SPDYE21: variants seen among roughly 807,000 people sequenced by gnomAD.
SPDYE21 encodes the protein speedy/RINGO cell cycle regulator family member E21.
A neutral mutation model predicts 36.2 loss-of-function variants in SPDYE21; 14 were observed. The ratio of observed to expected loss-of-function variants is 0.39; its 90% CI spans 0.26 to 0.61. SPDYE21 has a LOEUF of 0.61. Among genes scored for constraint, SPDYE21 ranks in the 20% least tolerant of loss-of-function variants. The pLI is 0.55. For missense variants in SPDYE21, 233 were observed against 424.6 expected, an observed-to-expected ratio of 0.55 and a Z score of 3.97; for synonymous variants, 58 against 155.1, an observed-to-expected ratio of 0.37 and a Z score of 4.65.
At chr7:67,280,262 C>G (rs1340225522) in intron 3 of SPDYE21, among the ~76,000 whole-genome samples, 1 of 152,116 alleles carries the variant, frequency 6.6e-6, no homozygotes, top group African/African-American at 2.4e-5. Flanking sequence ...GGTTTCGCAC[C>G]AGGTGCAGTG....
intron 5 of SPDYE21, among the ~76,000 whole-genome samples, chr7:67,283,406 TCA>T (rs1802675413): frequency 6.6e-6 from 1 of 152,192 alleles, no homozygotes; most frequent in African/African-American, 2.4e-5. Flanking sequence ...AGTACTGGGA[TCA>T]CAGGCTTGAG....
chr7:67,280,509 C>G (rs929633707), intron 3 of SPDYE21, among the ~76,000 whole-genome samples: 1 of 151,244 alleles, frequency 6.6e-6, no homozygotes, highest in East Asian at 2.0e-4. Flanking sequence ...CGAGACCAAC[C>G]AGACCAATAT....
intron 6 of SPDYE21, among the ~76,000 whole-genome samples, chr7:67,284,825 C>T (rs1184351937): frequency 6.6e-6 from 1 of 152,042 alleles, no homozygotes; most frequent in Non-Finnish European, 1.5e-5. Context: ...ACCTGAACAA[C>T]TTCCTTAGCT....
In SPDYE21 at chr7:67,286,081, T is replaced by C. The variant is rs1326904528; in HGVS notation, c.793T>C (p.Ser265Pro). The C allele has an allele frequency of 2.5e-6, 4 of 1,613,578 alleles. No individual in the cohort carries two copies. The highest frequency in any genetic ancestry group is 4.5e-5 in the East Asian group (2 of 44,888). ...TGACATGGAGGAGGACGACGAGGAC[T>C]CCAAACAAAACATCTTCCACTTCCT... ...ANDMEEDDED[S>P]KQNIFHFLYG... The change falls in exon 7 of 9, where the codon TCC (serine) becomes CCC (proline). Residue 265 changes from serine (S) to proline (P), a missense_variant. Transcript: ENST00000424157.
intron 5 of SPDYE21, among the ~76,000 whole-genome samples, chr7:67,282,965 CT>C (rs1802667661): frequency 7.7e-6 from 1 of 129,324 alleles, no homozygotes; most frequent in Admixed American, 8.1e-5. Flanking sequence ...ACCACCACGC[CT>C]GGCTAATTTT....
chr7:67,279,196 A>C (rs1384719322), intron 2 of SPDYE21, among the ~76,000 whole-genome samples: 1 of 150,210 alleles, frequency 6.7e-6, no homozygotes, highest in Non-Finnish European at 1.5e-5. Flanking sequence ...AAAAAAAAAA[A>C]AGAAAAAAGA....
rs1168009368 is a variant in SPDYE21, at chr7:67,288,128, TAA to T, written c.*657_*658del. On this transcript the variant is annotated 3_prime_UTR_variant, in exon 9 of 9. Coordinates refer to ENST00000424157, the MANE Select transcript of SPDYE21 (RefSeq NM_001382715.2). The stretch of plus-strand genomic sequence containing the variant: ...ATAAAGATAATTTTCTTTTCATTTT[TAA>T]GAGACAATTCTTTTTATCCTAAATA... 3.3e-5 allele frequency among the ~76,000 whole-genome samples: 5 copies of T among 151,884 alleles called. No homozygotes were observed. Among genetic ancestry groups the T allele is most frequent in the African/African-American group, 4.8e-5 (2 of 41,452 alleles).
rs1802574751 is a variant in SPDYE21, at chr7:67,278,387, C to T, written c.-327C>T. Among the ~76,000 whole-genome samples, 7 of 132,488 alleles carry T rather than the reference C, an allele frequency of 5.3e-5. No homozygotes were observed. Among genetic ancestry groups the T allele is most frequent in the African/African-American group, 1.8e-4 (6 of 33,522 alleles). The allele number at this position is 132,488 out of a possible 152,430, so 86.9% of individuals were successfully genotyped here. ...ACACAGCCTCTGCTGGGACAGGGAACAGAGGGATGTGGAGTCCCTGAAGAT... is the reference window on the plus strand; with the variant it reads ...ACACAGCCTCTGCTGGGACAGGGAATAGAGGGATGTGGAGTCCCTGAAGAT... On this transcript the variant is annotated 5_prime_UTR_variant, in exon 2 of 9. It introduces an in-frame stop codon into an upstream open reading frame of the 5' UTR. Transcript: ENST00000424157.
intron 5 of SPDYE21, among the ~76,000 whole-genome samples, chr7:67,283,644 C>T (rs906187203): frequency 3.9e-5 from 6 of 152,148 alleles, no homozygotes; most frequent in Non-Finnish European, 8.8e-5. Flanking sequence ...CTCCTGACAC[C>T]AGCCGACCCA....
intron 6 of SPDYE21, among the ~76,000 whole-genome samples, chr7:67,284,934 T>C (rs1459374528): frequency 6.7e-6 from 1 of 150,148 alleles, no homozygotes; most frequent in Non-Finnish European, 1.5e-5. Flanking sequence ...ATTTCCTGGC[T>C]CGGCTTCACT....
rs4718509 is a variant in SPDYE21, at chr7:67,278,831, C to A, written c.118C>A (p.Pro40Thr). Among the ~76,000 whole-genome samples, 1 of 148,484 alleles carries A rather than the reference C, an allele frequency of 6.7e-6. No individual in the cohort carries two copies. The highest frequency in any genetic ancestry group is 2.6e-5 in the African/African-American group (1 of 38,446). Reference protein sequence around the residue: ...QSPQRSTSGYPLQEVVDDEVL... With the variant: ...QSPQRSTSGYTLQEVVDDEVL... ...TCCCCAGCGGAGCACCTCGGGGTAC[C>A]CCCTCCAGGAGGTGGTGGATGATGA... Residue 40 changes from proline to threonine, a missense_variant, in exon 2 of 9, where the codon CCC becomes ACC. Coordinates refer to ENST00000424157, the MANE Select transcript of SPDYE21 (RefSeq NM_001382715.2).
intron 6 of SPDYE21, among the ~76,000 whole-genome samples, chr7:67,285,056 C>T (rs893418679): frequency 3.9e-5 from 6 of 151,982 alleles, no homozygotes; most frequent in African/African-American, 1.5e-4. Flanking sequence ...AGTTCACCCA[C>T]AGCCTCTGTG....
rs1310636644 is a variant in SPDYE21 at position 67,278,888 on chromosome 7, G to T, written c.160+15G>T. ...GGGACCATCAGGTGAGGGGACTGGTGGAAGAAGAGGTGGGATAGGATTGAC... is the reference window on the plus strand; with the variant it reads ...GGGACCATCAGGTGAGGGGACTGGTTGAAGAAGAGGTGGGATAGGATTGAC... On this transcript the variant is annotated intron_variant, in intron 2 of 8. Transcript: ENST00000424157. Among the ~76,000 whole-genome samples, 5 of 150,918 alleles carry T rather than the reference G, an allele frequency of 3.3e-5. No homozygotes were observed. Among genetic ancestry groups the T allele is most frequent in the Non-Finnish European group, 5.9e-5 (4 of 67,376 alleles).
chr7:67,280,885 C>T (rs1440493197), intron 3 of SPDYE21, among the ~76,000 whole-genome samples: 2 of 141,764 alleles, frequency 1.4e-5, no homozygotes, highest in African/African-American at 5.0e-5. Flanking sequence ...AGTTGGAGAC[C>T]AGCCTGGCCA....
At position 67,278,829 on chromosome 7, in the gene SPDYE21, AC is replaced by A. The variant is rs1161624855; in HGVS notation, c.121del (p.Leu41SerfsTer17). Reference sequence around the variant, plus strand: ...AGTCCCCAGCGGAGCACCTCGGGGTACCCCCTCCAGGAGGTGGTGGATGATG... The same window carrying A: ...AGTCCCCAGCGGAGCACCTCGGGGTACCCCTCCAGGAGGTGGTGGATGATG... Reference protein sequence around the residue: ...EQSPQRSTSGYPLQEVVDDEV... With the variant: ...EQSPQRSTSGXPLQEVVDDEV... On this transcript the variant is annotated frameshift_variant, in exon 2 of 9. Transcript: ENST00000424157. LOFTEE classifies it high-confidence loss of function. Among the ~76,000 whole-genome samples, 2 of 151,718 alleles carry A rather than the reference AC, an allele frequency of 1.3e-5. No homozygotes were observed. The highest frequency in any genetic ancestry group is 2.9e-5 in the Non-Finnish European group (2 of 67,922).
chr7:67,282,058 G>A (rs1206592228), intron 4 of SPDYE21, among the ~76,000 whole-genome samples: 6 of 152,160 alleles, frequency 3.9e-5, no homozygotes, highest in African/African-American at 1.4e-4. Context: ...GCTTAAACCC[G>A]GGAGGCAGAG....
At chr7:67,283,255 C>T (rs3962092) in intron 5 of SPDYE21, among the ~76,000 whole-genome samples, 95,853 of 141,196 alleles carry the variant, frequency 0.68, 32,894 homozygotes, top group East Asian at 0.89. Context: ...TTCCTCAGCC[C>T]CCTGAGGAGC....
At position 67,286,276 on chromosome 7, in the gene SPDYE21, C is replaced by T. The variant is rs1362261518; in HGVS notation, c.988C>T (p.Arg330Cys). The T allele has an allele frequency of 2.5e-5, 40 of 1,593,126 alleles. No homozygotes were observed. Among genetic ancestry groups the T allele is most frequent in the Middle Eastern group, 1.7e-4 (1 of 5,866 alleles). ...MNPRARKYRS[R>C]IPLVRKRRFQ... ...CCCGAGGGCCAGGAAGTACCGCTCT[C>T]GCATACCCTTGGTCCGTAAGCGTCG... Residue 330 changes from arginine to cysteine, a missense_variant, in exon 7 of 9, where the codon CGC becomes TGC. Arg to Cys is a radical substitution (Grantham distance 180, BLOSUM62 -3). This residue lies in a region of SPDYE21 where 139 missense variants were observed against 175.8 expected (regional missense o/e 0.79). Coordinates refer to ENST00000424157, the MANE Select transcript of SPDYE21 (RefSeq NM_001382715.2).
In SPDYE21 at chr7:67,279,874, G is replaced by A. The variant is rs1470693248; in HGVS notation, c.217G>A (p.Glu73Lys). The change falls in exon 3 of 9, where the codon GAG (glutamate) becomes AAG (lysine). Residue 73 changes from glutamate to lysine, a missense_variant. Physicochemically the swap from Glu to Lys is moderately conservative, Grantham distance 56. Around this residue, in one of 4 missense-constraint regions of SPDYE21, gnomAD observed 68 missense variants for 87.6 expected, o/e 0.78. Transcript: ENST00000424157. The part of the protein sequence containing the change: ...CRSLGWKRKK[E>K]WSDESEEEPE... ...GTCCCTTGGCTGGAAAAGGAAGAAGGAGTGGTCAGATGAATCTGAGGAGGA... is the reference window on the plus strand; with the variant it reads ...GTCCCTTGGCTGGAAAAGGAAGAAGAAGTGGTCAGATGAATCTGAGGAGGA... The A allele has an allele frequency of 2.5e-6, 4 of 1,590,018 alleles. No homozygotes were observed. Among genetic ancestry groups the A allele is most frequent in the Non-Finnish European group, 3.4e-6 (4 of 1,177,202 alleles).
Sources: gnomAD v4.1 joint callset for allele counts (sites outside exome capture counted in the v4.1 genomes callset) on GRCh38, gnomAD v4.1.1 for gene constraint, gnomAD v4.1.1 regional missense constraint, MANE v1.5 for transcripts, NCBI Gene and HGNC (gene_info 2026-07-23, HGNC 2026-07-21) for gene names.